The following TLR7 variants were observed in gnomAD, a reference collection of about 807,000 sequenced individuals.
The protein encoded by TLR7 is toll-like receptor 7.
In TLR7, 12 loss-of-function variants were observed where a neutral mutation model predicts 38.3. That is an observed-to-expected ratio of 0.31 (90% CI 0.20 to 0.51). The LOEUF is 0.51. Among genes scored for constraint, TLR7 ranks in the 20% least tolerant of loss-of-function variants. TLR7 has a pLI of 0.98. For missense variants in TLR7, 504 were observed against 743.4 expected, an observed-to-expected ratio of 0.68 and a Z score of 3.74; for synonymous variants, 285 against 293.8, an observed-to-expected ratio of 0.97 and a Z score of 0.31.
At chrX:12,873,887 T>C (rs1271215881) in intron 2 of TLR7, among the ~76,000 whole-genome samples, 2 of 112,786 alleles carry the variant, frequency 1.8e-5, no homozygotes, top group East Asian at 5.5e-4. Flanking sequence ...TACCACATTC[T>C]TTTTAAGGGA....
At chrX:12,872,126 C>A (rs757616483) in intron 2 of TLR7, among the ~76,000 whole-genome samples, 18 of 111,778 alleles carry the variant, frequency 1.6e-4, no homozygotes, top group Non-Finnish European at 2.6e-4. Context: ...TCCTCTTTCT[C>A]CTCCTTGTGT....
intron 2 of TLR7, among the ~76,000 whole-genome samples, chrX:12,879,196 C>T (rs1234369333): frequency 3.6e-5 from 4 of 111,713 alleles, no homozygotes; most frequent in African/African-American, 6.5e-5. Context: ...GTGTTCTGCC[C>T]TCCAAGACAA....
intron 2 of TLR7, among the ~76,000 whole-genome samples, chrX:12,871,490 C>A (rs897532455): frequency 1.8e-4 from 20 of 112,069 alleles, no homozygotes; most frequent in Non-Finnish European, 3.0e-4. Context: ...TTCTTCCATG[C>A]CCTTTCTAAG....
intron 2 of TLR7, among the ~76,000 whole-genome samples, chrX:12,873,680 C>T (rs186782079): frequency 8.5e-4 from 95 of 112,032 alleles, no homozygotes; most frequent in African/African-American, 2.7e-3. Context: ...TATACCACTG[C>T]CCAGAAGAAA....
At chrX:12,877,536 G>C (rs1035586756) in intron 2 of TLR7, 1 of 110,446 alleles carries the variant, frequency 9.1e-6, no homozygotes. Context: ...AGAGCCAAGA[G>C]ATGTTTTGTT....
intron 2 of TLR7, among the ~76,000 whole-genome samples, chrX:12,884,644 C>T (rs760554797): frequency 1.4e-4 from 16 of 112,071 alleles, no homozygotes; most frequent in Non-Finnish European, 2.8e-4. Context: ...CCATATGTCC[C>T]AGTTTGCCTG....
In TLR7 at chrX:12,885,694, T is replaced by G; in HGVS notation, c.186T>G (p.Gly62=). Residue 62 remains glycine (G), a synonymous_variant, in exon 3 of 3, where the codon GGT becomes GGG. Coordinates refer to ENST00000380659, the MANE Select transcript of TLR7 (RefSeq NM_016562.4). ...TDKHLTEIPG[G]IPTNTTNLTL... Reference sequence around the variant, plus strand: ...AGCATTTGACAGAAATTCCTGGAGGTATTCCCACGAACACCACGAACCTCA... The same window carrying G: ...AGCATTTGACAGAAATTCCTGGAGGGATTCCCACGAACACCACGAACCTCA... 1 of 1,211,259 alleles carries G rather than the reference T, an allele frequency of 8.3e-7. No homozygotes were observed. The highest frequency in any genetic ancestry group is 1.1e-6 in the Non-Finnish European group (1 of 895,365).
intron 2 of TLR7, among the ~76,000 whole-genome samples, chrX:12,883,823 A>C (rs1348160793): frequency 5.4e-5 from 6 of 111,202 alleles, no homozygotes; most frequent in Non-Finnish European, 9.4e-5. Flanking sequence ...TTTTAACGAT[A>C]GGGAGGAAAA....
chrX:12,888,081 C>A lies in TLR7; in HGVS notation c.2573C>A (p.Thr858Lys), dbSNP rs1277099443. The A allele has an allele frequency of 5.0e-6, 6 of 1,210,449 alleles. No homozygotes were observed. Residue 858 changes from threonine (T) to lysine (K), a missense_variant, in exon 3 of 3, where the codon ACA becomes AAA. By Grantham distance (78) the Thr-to-Lys change is moderately conservative. Coordinates refer to ENST00000380659, the MANE Select transcript of TLR7 (RefSeq NM_016562.4). Reference protein sequence around the residue: ...SVSLFLMVMMTASHLYFWDVW... With the variant: ...SVSLFLMVMMKASHLYFWDVW... ...TCTCTCTTTCTCATGGTGATGATGA[C>A]AGCAAGTCACCTCTATTTCTGGGAT...
At chrX:12,871,562 G>A (rs968639760) in intron 2 of TLR7, among the ~76,000 whole-genome samples, 2 of 112,007 alleles carry the variant, frequency 1.8e-5, no homozygotes, top group African/African-American at 3.2e-5. Context: ...CAGGCTCCCC[G>A]CCATCACAGA....
chrX:12,888,785 A>G lies in TLR7; in HGVS notation c.*127A>G, dbSNP rs201146128. The G allele has an allele frequency of 4.0e-4, 311 of 772,492 alleles. No individual in the cohort carries two copies. Among genetic ancestry groups the G allele is most frequent in the Non-Finnish European group, 5.3e-4 (295 of 551,687 alleles). The allele number at this position is 772,492 out of a possible 1,213,427, so 63.7% of individuals were successfully genotyped here. A position where few individuals can be genotyped will look rare whatever the true frequency, so the allele number is the denominator to read the frequency against. On this transcript the variant is annotated 3_prime_UTR_variant, in exon 3 of 3. Coordinates refer to ENST00000380659, the MANE Select transcript of TLR7 (RefSeq NM_016562.4). The stretch of plus-strand genomic sequence containing the variant: ...CAAGAAATGAGATTGCCCATATTTC[A>G]GGGGAGCCACCAACGTCTGTCACAG...
Position 12,885,990 on chromosome X carries a change from T to C in TLR7, c.482T>C (p.Phe161Ser). Residue 161 changes from phenylalanine (F) to serine (S), a missense_variant, in exon 3 of 3, where the codon TTT becomes TCT. Coordinates refer to ENST00000380659, the MANE Select transcript of TLR7 (RefSeq NM_016562.4). The part of the protein sequence containing the change: ...QLLSLEANNI[F>S]SIRKENLTEL... ...CTCAGCCTTGAGGCCAACAACATCT[T>C]TTCCATCAGAAAAGAGAATCTAACA... 1 of 1,212,010 alleles carries C rather than the reference T, an allele frequency of 8.3e-7. No individual in the cohort carries two copies. The highest frequency in any genetic ancestry group is 1.1e-6 in the Non-Finnish European group (1 of 895,602).
intron 2 of TLR7, among the ~76,000 whole-genome samples, chrX:12,880,798 G>A (rs1217221798): frequency 7.2e-5 from 8 of 111,504 alleles, no homozygotes; most frequent in East Asian, 2.8e-4. Context: ...GACATCATAC[G>A]AATAAGCAAC....
intron 2 of TLR7, among the ~76,000 whole-genome samples, chrX:12,872,853 T>C (rs773171816): frequency 6.4e-5 from 7 of 109,107 alleles, no homozygotes; most frequent in Admixed American, 2.0e-4. Flanking sequence ...GCTTTCACCC[T>C]TGCCCCTCAC....
chrX:12,886,633 G>T lies in TLR7; in HGVS notation c.1125G>T (p.Leu375=). ...CTTCACTGAAAAGCCTGAAAATTCT[G>T]CGGATCAGAGGATATGTCTTTAAAG... ...AFSSLKSLKI[L]RIRGYVFKEL... The change falls in exon 3 of 3, where the codon CTG becomes CTT. Residue 375 remains leucine (L), a synonymous_variant. Coordinates refer to ENST00000380659, the MANE Select transcript of TLR7 (RefSeq NM_016562.4). 8.3e-7 allele frequency: 1 copy of T among 1,211,797 alleles called. No homozygotes were observed. The highest frequency in any genetic ancestry group is 1.1e-6 in the Non-Finnish European group (1 of 895,440).
At chrX:12,884,935 T>G (rs2147245043) in intron 2 of TLR7, among the ~76,000 whole-genome samples, 1 of 113,222 alleles carries the variant, frequency 8.8e-6, no homozygotes, top group Admixed American at 9.3e-5. Flanking sequence ...AGTGCCAGAA[T>G]GGCAGGAATG....
At position 12,888,630 on chromosome X, in the gene TLR7, AT is replaced by A; in HGVS notation, c.3123del (p.Tyr1041Ter). Reference protein sequence around the residue: ...NALATDNHVAYSQVFKETV With the variant: ...NALATDNHVAXSQVFKETV ...CTGGCCACAGACAATCATGTGGCCT[AT>A]AGTCAGGTGTTCAAGGAAACGGTCT... On this transcript the variant is annotated frameshift_variant, in exon 3 of 3. Transcript: ENST00000380659. 8.3e-7 allele frequency: 1 copy of A among 1,206,416 alleles called. No individual in the cohort carries two copies. Among genetic ancestry groups the A allele is most frequent in the East Asian group, 3.0e-5 (1 of 33,820 alleles).
At chrX:12,881,207 A>AT (rs1364116643) in intron 2 of TLR7, among the ~76,000 whole-genome samples, 1 of 104,849 alleles carries the variant, frequency 9.5e-6, no homozygotes, top group Non-Finnish European at 1.9e-5. Flanking sequence ...AGCCTGGGCA[A>AT]TAAGAGCGAA....
chrX:12,882,788 C>T (rs1001665522), intron 2 of TLR7, among the ~76,000 whole-genome samples: 37 of 112,064 alleles, frequency 3.3e-4, no homozygotes, highest in African/African-American at 1.2e-3. Flanking sequence ...CTCGGAAACG[C>T]AGTATGAGGA....
Sources: gnomAD v4.1 joint callset for allele counts (sites outside exome capture counted in the v4.1 genomes callset) on GRCh38, gnomAD v4.1.1 for gene constraint, MANE v1.5 for transcripts, NCBI Gene and HGNC (gene_info 2026-07-23, HGNC 2026-07-21) for gene names.